CYB5RL: variants seen among roughly 807,000 people sequenced by gnomAD.
CYB5RL encodes NADH-cytochrome b5 reductase-like.
In CYB5RL, 38 loss-of-function variants were observed where a neutral mutation model predicts 37.5. The observed-to-expected ratio is 1.01, with a 90% CI of 0.78 to 1.33. The LOEUF is 1.33. Among genes scored for constraint, CYB5RL ranks in the 40% most tolerant of loss-of-function variants. CYB5RL has a pLI of 0.00. For missense variants in CYB5RL, 388 were observed against 394.4 expected, an observed-to-expected ratio of 0.98 and a Z score of 0.14; for synonymous variants, 141 against 151.9, an observed-to-expected ratio of 0.93 and a Z score of 0.53.
Position 54,190,794 on chromosome 1 carries a change from CG to C in CYB5RL, c.300del (p.Asn102ThrfsTer17). ...KDTYRVRFAL[P>X]GNSQLGLRPG... ...GGCCGCAGGCCAAGCTGGCTGTTCC[CG>C]GGTAGAGCAAACCGGACACGGTAGG... On this transcript the variant is annotated frameshift_variant, in exon 4 of 8. Coordinates refer to ENST00000534324, the MANE Select transcript of CYB5RL (RefSeq NM_001031672.4). LOFTEE classifies it high-confidence loss of function. 6.4e-7 allele frequency: 1 copy of C among 1,570,208 alleles called. No individual in the cohort carries two copies. The highest frequency in any genetic ancestry group is 8.6e-7 in the Non-Finnish European group (1 of 1,157,920).
intron 6 of CYB5RL, among the ~76,000 whole-genome samples, chr1:54,179,600 C>A (rs1308164126): frequency 1.3e-5 from 2 of 152,180 alleles, no homozygotes; most frequent in Non-Finnish European, 2.9e-5. Context: ...ATAGCCCATC[C>A]TGTAAGTGGC....
At chr1:54,177,036 G>A (rs1041134098) in intron 7 of CYB5RL, among the ~76,000 whole-genome samples, 7 of 152,202 alleles carry the variant, frequency 4.6e-5, no homozygotes, top group Non-Finnish European at 1.0e-4. Flanking sequence ...GCAGACCCAT[G>A]ACATCAGGCC....
At position 54,190,728 on chromosome 1, in the gene CYB5RL, C is replaced by T; in HGVS notation, c.347+20G>A. ...AAAGCAGGGCTGTGAAGCTTTGGTC[C>T]TCCCGCTACCTGAGTGTACCGTAGG... On this transcript the variant is annotated intron_variant, in intron 4 of 7. Coordinates refer to ENST00000534324, the MANE Select transcript of CYB5RL (RefSeq NM_001031672.4). 6.4e-7 allele frequency: 1 copy of T among 1,551,694 alleles called. No homozygotes were observed. Among genetic ancestry groups the T allele is most frequent in the Non-Finnish European group, 8.7e-7 (1 of 1,147,066 alleles).
intron 5 of CYB5RL, chr1:54,185,556 G>C (rs1324290108): frequency 1.3e-5 from 2 of 152,188 alleles, no homozygotes; most frequent in African/African-American, 4.8e-5. Flanking sequence ...AGCACCCATG[G>C]CCATCTCTGA....
At chr1:54,179,405 A>C in intron 6 of CYB5RL, 53 bp from the exon 7 acceptor site, 1 of 1,549,294 alleles carries the variant, frequency 6.5e-7, no homozygotes, top group Non-Finnish European at 8.8e-7. Context: ...GTCTCACCTT[A>C]TCCCCTCTAC....
Position 54,190,761 on chromosome 1 carries a change from G to A in CYB5RL, c.334C>T (p.His112Tyr). Residue 112 changes from histidine to tyrosine, a missense_variant, in exon 4 of 8, where the codon CAC (histidine) becomes TAC (tyrosine). Transcript: ENST00000534324. ...NSQLGLRPGQ[H>Y]LILRGIVDDL... ...ACCTGAGTGTACCGTAGGATGAGGTGCTGGCCGGGCCGCAGGCCAAGCTGG... is the reference window on the plus strand; with the variant it reads ...ACCTGAGTGTACCGTAGGATGAGGTACTGGCCGGGCCGCAGGCCAAGCTGG... 2 of 1,553,840 alleles carry A rather than the reference G, an allele frequency of 1.3e-6. No homozygotes were observed. Among genetic ancestry groups the A allele is most frequent in the Non-Finnish European group, 1.7e-6 (2 of 1,148,242 alleles).
chr1:54,174,625 G>A lies in CYB5RL; in HGVS notation c.942C>T (p.Leu314=). 6.2e-7 allele frequency: 1 copy of A among 1,607,954 alleles called. No individual in the cohort carries two copies. Among genetic ancestry groups the A allele is most frequent in the Non-Finnish European group, 8.5e-7 (1 of 1,177,478 alleles). Residue 314 remains leucine (L), a synonymous_variant, in exon 8 of 8, where the codon CTC becomes CTT. Coordinates refer to ENST00000534324, the MANE Select transcript of CYB5RL (RefSeq NM_001031672.4). The stretch of plus-strand genomic sequence containing the variant: ...TTTGGAAGAGAGGCCAGGGCTAGAA[G>A]AGGAAATAGGAGTCCTCAGTGAGGC... ...CAGLTEDSYF[L]F
At chr1:54,195,355 T>C in intron 3 of CYB5RL, 64 bp downstream of exon 3, 6 of 1,464,346 alleles carry the variant, frequency 4.1e-6, no homozygotes, top group Non-Finnish European at 5.5e-6. Flanking sequence ...AGAGGTGTGC[T>C]TTGCAGGGCC....
At chr1:54,187,841 C>T (rs949924471) in intron 4 of CYB5RL, 102 bp from the exon 5 acceptor site, 11 of 967,478 alleles carry the variant, frequency 1.1e-5, no homozygotes, top group Admixed American at 3.8e-5. Context: ...TTTGGGAGGC[C>T]GAGGTGGGCT....
rs145405947 is a variant in CYB5RL, at chr1:54,191,308, T to C, written c.199-412A>G. Among the ~76,000 whole-genome samples the C allele has an allele frequency of 2.6e-4, 40 of 152,326 alleles. 1 individual carries two copies. In the East Asian group the frequency reaches 6.6e-3, roughly 25 times the overall value. ...AAGCAGTGCCCTCTTATCCAGAACA[T>C]TCATCTCCAATGTGTAAAAGACATA... is the stretch of plus-strand genomic sequence containing the variant. On this transcript the variant is annotated intron_variant, in intron 3 of 7. Coordinates refer to ENST00000534324, the MANE Select transcript of CYB5RL (RefSeq NM_001031672.4).
At chr1:54,195,352 T>C in intron 3 of CYB5RL, 67 bp downstream of exon 3, 1 of 1,455,658 alleles carries the variant, frequency 6.9e-7, no homozygotes, top group Non-Finnish European at 9.1e-7. Context: ...CCTAGAGGTG[T>C]GCTTTGCAGG....
chr1:54,192,885 G>T (rs1643969342), intron 3 of CYB5RL, among the ~76,000 whole-genome samples: 1 of 152,006 alleles, frequency 6.6e-6, no homozygotes, highest in Non-Finnish European at 1.5e-5. Flanking sequence ...CTCCCAAGTA[G>T]CTGGGACTAC....
Position 54,194,029 on chromosome 1 carries a change from G to GATAATAATA in CYB5RL, c.198+1381_198+1389dup, listed in dbSNP as rs35993013. ...CAATAATAATAATAATAATAATAAT[G>GATAATAATA]ATAATAATAATAATAATAATAATGT... On this transcript the variant is annotated intron_variant, in intron 3 of 7. Transcript: ENST00000534324. Among the ~76,000 whole-genome samples the GATAATAATA allele has an allele frequency of 8.3e-3, 1,197 of 144,310 alleles. 14 individuals carry two copies. The highest frequency in any genetic ancestry group is 0.03 in the African/African-American group (1,145 of 38,280). 94.7% of individuals were successfully genotyped at this position (144,310 alleles called of 152,430 possible).
chr1:54,186,781 G>A (rs1220785863), intron 5 of CYB5RL, among the ~76,000 whole-genome samples: 2 of 151,970 alleles, frequency 1.3e-5, no homozygotes, highest in African/African-American at 4.8e-5. Flanking sequence ...GGCGGGAGCT[G>A]GAGGCAGTGC....
intron 7 of CYB5RL, among the ~76,000 whole-genome samples, chr1:54,175,212 C>G (rs1337979370): frequency 6.6e-6 from 1 of 152,216 alleles, no homozygotes; most frequent in Non-Finnish European, 1.5e-5. Flanking sequence ...TCATCACCCT[C>G]GGAGCATAAC....
chr1:54,186,779 C>T (rs1248634269), intron 5 of CYB5RL, among the ~76,000 whole-genome samples: 1 of 151,700 alleles, frequency 6.6e-6, no homozygotes, highest in Non-Finnish European at 1.5e-5. Flanking sequence ...AAGGCGGGAG[C>T]TGGAGGCAGT....
intron 7 of CYB5RL, among the ~76,000 whole-genome samples, chr1:54,176,416 A>C (rs1660021077): frequency 6.6e-6 from 1 of 152,212 alleles, no homozygotes; most frequent in Admixed American, 6.5e-5. Flanking sequence ...CTATAGTCCC[A>C]GTTGCTTGGG....
chr1:54,189,820 C>G (rs1219962872), intron 4 of CYB5RL, among the ~76,000 whole-genome samples: 1 of 152,164 alleles, frequency 6.6e-6, no homozygotes, highest in Non-Finnish European at 1.5e-5. Context: ...CACCAGGGGC[C>G]AGTGTGAAGC....
Position 54,174,596 on chromosome 1 carries a change from A to G in CYB5RL, c.*23T>C. On this transcript the variant is annotated 3_prime_UTR_variant, in exon 8 of 8. Transcript: ENST00000534324. ...GGTCCCAGTAGCAGGCTCATGGCCTAGGCTTTGGAAGAGAGGCCAGGGCTA... is the reference window on the plus strand; with the variant it reads ...GGTCCCAGTAGCAGGCTCATGGCCTGGGCTTTGGAAGAGAGGCCAGGGCTA... 8 of 1,590,976 alleles carry G rather than the reference A, an allele frequency of 5.0e-6. No individual in the cohort carries two copies. The highest frequency in any genetic ancestry group is 6.0e-6 in the Non-Finnish European group (7 of 1,169,510).
Sources: gnomAD v4.1 joint callset for allele counts (sites outside exome capture counted in the v4.1 genomes callset) on GRCh38, gnomAD v4.1.1 for gene constraint, MANE v1.5 for transcripts, NCBI Gene and HGNC (gene_info 2026-07-23, HGNC 2026-07-21) for gene names.